INSC: variants seen among roughly 807,000 people sequenced by gnomAD.
INSC encodes the protein INSC spindle orientation adaptor protein.
INSC carries 67 observed loss-of-function variants against 58.6 expected under a neutral mutation model. That is an observed-to-expected ratio of 1.14 (90% CI 0.94 to 1.40). INSC has a LOEUF of 1.40. INSC is among the 40% of genes most tolerant of loss of function. INSC has a pLI of 0.00. For missense variants in INSC, 714 were observed against 692.0 expected (o/e 1.03, Z -0.36); for synonymous variants, 262 against 276.1 (o/e 0.95, Z 0.51).
In INSC at chr11:15,187,972, A is replaced by G. The variant is rs1850034115; in HGVS notation, c.580-2729A>G. 2.0e-5 allele frequency among the ~76,000 whole-genome samples: 3 copies of G among 152,234 alleles called. No homozygotes were observed. In the South Asian group the frequency reaches 6.2e-4, roughly 32 times the overall value. The stretch of plus-strand genomic sequence containing the variant: ...CTATGATGGATGCAGAGGAGGAAGC[A>G]GAAGCAGGCATGGAAAGCCATGTTG... On this transcript the variant is annotated intron_variant, in intron 5 of 12. Transcript: ENST00000379556.
intron 1 of INSC, among the ~76,000 whole-genome samples, chr11:15,132,467 G>T (rs1338249875): frequency 6.6e-6 from 1 of 152,026 alleles, no homozygotes; most frequent in Non-Finnish European, 1.5e-5. Context: ...TTAAATTTTT[G>T]TAGAGATGGA....
chr11:15,146,058 A>G (rs1290861690), intron 1 of INSC, among the ~76,000 whole-genome samples: 1 of 152,264 alleles, frequency 6.6e-6, no homozygotes, highest in Non-Finnish European at 1.5e-5. Flanking sequence ...GTAACAGAGG[A>G]TGATGATGGC....
At chr11:15,173,118 C>A (rs531539164) in intron 2 of INSC, among the ~76,000 whole-genome samples, 2 of 152,156 alleles carry the variant, frequency 1.3e-5, no homozygotes, top group South Asian at 4.2e-4. Flanking sequence ...AAAGTGAATG[C>A]CCAGGAATGG....
In INSC at chr11:15,225,973, GTTTCTCATTGAC is replaced by G. The variant is rs377329799; in HGVS notation, c.1170+149_1170+160del. 551 of 758,876 alleles carry G rather than the reference GTTTCTCATTGAC, an allele frequency of 7.3e-4. 3 individuals are homozygous for G. In the African/African-American group the frequency reaches 8.6e-3, roughly 12 times the overall value. 47.0% of individuals were successfully genotyped at this position (758,876 alleles called of 1,614,324 possible). ...CTGTAGGAGGGCAAATATTCTCCAC[GTTTCTCATTGAC>G]TTTGTAGCCTCTCTATGAGAACTCC... On this transcript the variant is annotated intron_variant, in intron 9 of 12. Coordinates refer to ENST00000379556, the MANE Select transcript of INSC (RefSeq NM_001042536.3).
At chr11:15,240,231 G>A (rs1042077111) in intron 11 of INSC, among the ~76,000 whole-genome samples, 10 of 152,160 alleles carry the variant, frequency 6.6e-5, no homozygotes, top group Non-Finnish European at 1.0e-4. Flanking sequence ...ATGTTAACCC[G>A]CATCTGTGGG....
chr11:15,208,433 G>T (rs559132486), intron 7 of INSC, among the ~76,000 whole-genome samples: 239 of 152,308 alleles, frequency 1.6e-3, no homozygotes, highest in African/African-American at 4.8e-3. Flanking sequence ...AAGGGGGCAG[G>T]GCCCATGATT....
intron 1 of INSC, among the ~76,000 whole-genome samples, chr11:15,140,504 T>G (rs2133724815): frequency 6.6e-6 from 1 of 152,238 alleles, no homozygotes; most frequent in East Asian, 1.9e-4. Context: ...GAAGCCTGTG[T>G]GCATGTCCCA....
At chr11:15,146,154 T>C (rs1848486315) in intron 1 of INSC, among the ~76,000 whole-genome samples, 1 of 152,232 alleles carries the variant, frequency 6.6e-6, no homozygotes, top group East Asian at 1.9e-4. Context: ...GTAATTATTA[T>C]TGTTACAGAC....
chr11:15,189,274 C>T (rs926221942), intron 5 of INSC, among the ~76,000 whole-genome samples: 3 of 152,192 alleles, frequency 2.0e-5, no homozygotes, highest in Non-Finnish European at 4.4e-5. Context: ...TTCCACCTGG[C>T]AGGTACCTTT....
rs775265044 is a variant in INSC at position 15,240,538 on chromosome 11, T to C, written c.1470+15T>C. ...TGGCCTGCCTGGTGAGTTCTCAGTC[T>C]TCCCCCAGCTTTTCCCCTGGCCTTC... On this transcript the variant is annotated intron_variant, in intron 12 of 12. Transcript: ENST00000379556. 6.2e-7 allele frequency: 1 copy of C among 1,608,072 alleles called. No individual in the cohort carries two copies. The highest frequency in any genetic ancestry group is 8.5e-7 in the Non-Finnish European group (1 of 1,176,730).
At chr11:15,132,843 T>C (rs963156885) in intron 1 of INSC, among the ~76,000 whole-genome samples, 3 of 152,250 alleles carry the variant, frequency 2.0e-5, no homozygotes, top group Admixed American at 6.5e-5. Context: ...TATATTTTCC[T>C]GTTGTCTGCT....
the INSC span, among the ~76,000 whole-genome samples, chr11:15,259,916 AG>A: frequency 6.6e-6 from 1 of 152,222 alleles, no homozygotes; most frequent in Non-Finnish European, 1.5e-5. Context: ...AACAATTGAA[AG>A]TACACATAAT....
At chr11:15,263,208 G>A in the INSC span, among the ~76,000 whole-genome samples, 1 of 152,066 alleles carries the variant, frequency 6.6e-6, no homozygotes, top group Non-Finnish European at 1.5e-5. Flanking sequence ...GAAAGATTAA[G>A]AAAAATTGAA....
the INSC span, among the ~76,000 whole-genome samples, chr11:15,253,114 C>T: frequency 1.3e-5 from 2 of 152,140 alleles, no homozygotes; most frequent in Non-Finnish European, 2.9e-5. Flanking sequence ...AAAATTACCA[C>T]TGAAGTTTGA....
At chr11:15,131,330 T>C (rs1222153655) in intron 1 of INSC, among the ~76,000 whole-genome samples, 4 of 152,128 alleles carry the variant, frequency 2.6e-5, no homozygotes, top group African/African-American at 9.7e-5. Context: ...GGTATTTATG[T>C]TGGGGTAGAG....
chr11:15,204,177 C>T (rs968633234), intron 7 of INSC, among the ~76,000 whole-genome samples: 2 of 152,258 alleles, frequency 1.3e-5, no homozygotes, highest in Non-Finnish European at 2.9e-5. Flanking sequence ...CTAAGCCCCT[C>T]CTTTCATCAA....
At chr11:15,233,640 C>T (rs1852008551) in intron 9 of INSC, among the ~76,000 whole-genome samples, 1 of 152,188 alleles carries the variant, frequency 6.6e-6, no homozygotes, top group Non-Finnish European at 1.5e-5. Flanking sequence ...CTAATAATTA[C>T]TGTGTAATGA....
intron 2 of INSC, among the ~76,000 whole-genome samples, chr11:15,162,689 C>T (rs538665936): frequency 6.6e-6 from 1 of 152,296 alleles, no homozygotes; most frequent in Admixed American, 6.5e-5. Context: ...CAGTTCCTGG[C>T]ACCTATTTAG....
At chr11:15,251,818 TC>T (rs1241749575), downstream of INSC, among the ~76,000 whole-genome samples, 1 of 152,086 alleles carries the variant, frequency 6.6e-6, no homozygotes, top group Non-Finnish European at 1.5e-5. Flanking sequence ...TGGAAAACAT[TC>T]TGTTAGTTCC....
Sources: gnomAD v4.1 joint callset for allele counts (sites outside exome capture counted in the v4.1 genomes callset) on GRCh38, gnomAD v4.1.1 for gene constraint, MANE v1.5 for transcripts, NCBI Gene and HGNC (gene_info 2026-07-23, HGNC 2026-07-21) for gene names.